The following ATP2B2 variants were observed in gnomAD, a reference collection of about 807,000 sequenced individuals.
ATP2B2 encodes the protein plasma membrane calcium-transporting ATPase 2.
A neutral mutation model predicts 120.0 loss-of-function variants in ATP2B2; 15 were observed. The observed-to-expected ratio is 0.12, with a 90% confidence interval of 0.08 to 0.19. The LOEUF is 0.19. Among genes scored for constraint, ATP2B2 ranks in the 10% least tolerant of loss-of-function variants. The probability of loss-of-function intolerance (pLI) is 1.00; values close to 1 mark genes in which losing one functional copy is unlikely to be tolerated. For missense variants in ATP2B2, 1,045 were observed against 1,719.8 expected (o/e 0.61, Z 6.94); for synonymous variants, 694 against 700.3 (o/e 0.99, Z 0.14).
At position 10,345,569 on chromosome 3, in the gene ATP2B2, C is replaced by T. The variant is rs1235942676; in HGVS notation, c.2518G>A (p.Ala840Thr). 7.4e-6 allele frequency: 12 copies of T among 1,613,980 alleles called. No homozygotes were observed. The highest frequency in any genetic ancestry group is 2.2e-5 in the East Asian group (1 of 44,898). Residue 840 changes from alanine to threonine, a missense_variant, in exon 18 of 23, where the codon GCA (alanine) becomes ACA (threonine). Around this residue, in one of 11 missense-constraint regions of ATP2B2, gnomAD observed 98 missense variants for 266.7 expected, o/e 0.37. Coordinates refer to ENST00000360273, the MANE Select transcript of ATP2B2 (RefSeq NM_001001331.4). The stretch of plus-strand genomic sequence containing the variant: ...GCCTCCTTGGCCACGTCAGTGCCTG[C>T]GATGCCCTGTGGGGACAGGGACAGG... ...KADVGFAMGI[A>T]GTDVAKEASD...
intron 3 of ATP2B2, among the ~76,000 whole-genome samples, chr3:10,511,440 A>T (rs2066759752): frequency 6.6e-6 from 1 of 152,220 alleles, no homozygotes; most frequent in Admixed American, 6.5e-5. Context: ...GAACTGATAA[A>T]TGCAGGTTTG....
At chr3:10,703,735 C>G (rs1431862140) in intron 1 of ATP2B2, among the ~76,000 whole-genome samples, 1 of 152,246 alleles carries the variant, frequency 6.6e-6, no homozygotes, top group Non-Finnish European at 1.5e-5. Flanking sequence ...GCTTTGACAT[C>G]TGGGGCCTTG....
chr3:10,505,054 C>T (rs1379263866), intron 1 of ATP2B2, among the ~76,000 whole-genome samples: 1 of 152,192 alleles, frequency 6.6e-6, no homozygotes, highest in Non-Finnish European at 1.5e-5. Flanking sequence ...CTCCCTGGGA[C>T]CGGCTCAGAG....
At chr3:10,554,984 C>T (rs892857473) in intron 2 of ATP2B2, among the ~76,000 whole-genome samples, 1 of 152,154 alleles carries the variant, frequency 6.6e-6, no homozygotes. Context: ...GGACCCCAGA[C>T]CCCAAACCTA....
intron 2 of ATP2B2, among the ~76,000 whole-genome samples, chr3:10,583,489 G>C (rs6442182): frequency 0.26 from 39,129 of 152,032 alleles, 5,810 homozygotes; most frequent in East Asian, 0.49. Context: ...CCTTTACCTG[G>C]GACCTCTCTC....
chr3:10,486,359 G>GTGTGTT (rs1368592852), intron 1 of ATP2B2, among the ~76,000 whole-genome samples: 4 of 151,782 alleles, frequency 2.6e-5, no homozygotes, highest in Non-Finnish European at 4.4e-5. Context: ...GTGTGTGTGT[G>GTGTGTT]TCTCAGCCCT....
chr3:10,347,592 G>A lies in ATP2B2; in HGVS notation c.2405-1455C>T, dbSNP rs2125400595. ...GGGCTGCTCCCACCCAGCTGTCGGTGACCCCTCAGTTCCACCGTCCTGGAC... is the reference window on the plus strand; with the variant it reads ...GGGCTGCTCCCACCCAGCTGTCGGTAACCCCTCAGTTCCACCGTCCTGGAC... On this transcript the variant is annotated intron_variant, in intron 16 of 22. Transcript: ENST00000360273. This position sits in a 1 kb window ranked among gnomAD's most constrained non-coding sequence, Gnocchi z 5.2. 6.6e-6 allele frequency among the ~76,000 whole-genome samples: 1 copy of A among 152,276 alleles called. No individual in the cohort carries two copies. Among genetic ancestry groups the A allele is most frequent in the Middle Eastern group, 3.4e-3 (1 of 294 alleles).
chr3:10,445,885 C>T (rs111615502), intron 2 of ATP2B2, among the ~76,000 whole-genome samples: 374 of 152,212 alleles, frequency 2.5e-3, no homozygotes, highest in Middle Eastern at 0.017. Context: ...GGGGCTGTGC[C>T]AAGGATTTCT....
chr3:10,440,603 C>T (rs2063631904), intron 2 of ATP2B2, among the ~76,000 whole-genome samples: 1 of 152,198 alleles, frequency 6.6e-6, no homozygotes, highest in Non-Finnish European at 1.5e-5. Flanking sequence ...CGTGTGCTTC[C>T]CTCCCCATCT....
chr3:10,547,756 C>T (rs2067582916), intron 2 of ATP2B2, among the ~76,000 whole-genome samples: 2 of 152,188 alleles, frequency 1.3e-5, no homozygotes, highest in African/African-American at 4.8e-5. Flanking sequence ...TTTCCAAGTC[C>T]CTGTCTAGGG....
At chr3:10,404,683 A>T (rs959720794) in intron 3 of ATP2B2, among the ~76,000 whole-genome samples, 29 of 152,222 alleles carry the variant, frequency 1.9e-4, no homozygotes, top group Non-Finnish European at 1.3e-4. Flanking sequence ...GATTTGAGTG[A>T]CATATGATGA....
intron 1 of ATP2B2, among the ~76,000 whole-genome samples, chr3:10,668,456 C>T (rs2071005864): frequency 6.6e-6 from 1 of 152,210 alleles, no homozygotes; most frequent in South Asian, 2.1e-4. Flanking sequence ...TTTTGAGCAG[C>T]TTCTCTGCAC....
chr3:10,522,638 G>A (rs115688958), intron 3 of ATP2B2, among the ~76,000 whole-genome samples: 4,585 of 152,212 alleles, frequency 0.03, 147 homozygotes, highest in East Asian at 0.15. Context: ...ATCCCGAACA[G>A]GAGTAGGCCT....
intron 10 of ATP2B2, among the ~76,000 whole-genome samples, chr3:10,377,996 G>A (rs533170370): frequency 3.3e-5 from 5 of 152,334 alleles, no homozygotes; most frequent in South Asian, 2.1e-4. Context: ...AGCCATTGCC[G>A]GACAAGAAGG....
At chr3:10,652,705 G>A (rs2070498590) in intron 1 of ATP2B2, among the ~76,000 whole-genome samples, 1 of 152,174 alleles carries the variant, frequency 6.6e-6, no homozygotes, top group Admixed American at 6.5e-5. Flanking sequence ...TGGGAACAAC[G>A]CAAGTGTCCA....
At chr3:10,540,880 A>C (rs1161974070) in intron 2 of ATP2B2, among the ~76,000 whole-genome samples, 2 of 151,786 alleles carry the variant, frequency 1.3e-5, no homozygotes, top group East Asian at 1.9e-4. Flanking sequence ...AAAAAAAAAA[A>C]CTACCTGGTC....
At chr3:10,561,011 A>T (rs1049631476) in intron 2 of ATP2B2, among the ~76,000 whole-genome samples, 1 of 152,178 alleles carries the variant, frequency 6.6e-6, no homozygotes, top group African/African-American at 2.4e-5. Context: ...CCGATCATCC[A>T]GGTCACTGCT....
chr3:10,336,824 C>T lies in ATP2B2; in HGVS notation c.3420+1352G>A, dbSNP rs948469108. On this transcript the variant is annotated intron_variant, in intron 22 of 22. Coordinates refer to ENST00000360273, the MANE Select transcript of ATP2B2 (RefSeq NM_001001331.4). ...TCTGTAAGTGGCAAAGCACCTGACC[C>T]GTGTTAGCATTCCGCAAGAGGCAGG... is the stretch of plus-strand genomic sequence containing the variant. 5.3e-5 allele frequency among the ~76,000 whole-genome samples: 8 copies of T among 152,224 alleles called. No homozygotes were observed. The East Asian group carries it at 5.8e-4, about 11-fold the overall frequency.
At chr3:10,391,205 G>A (rs1345178068) in intron 5 of ATP2B2, among the ~76,000 whole-genome samples, 1 of 152,172 alleles carries the variant, frequency 6.6e-6, no homozygotes, top group Non-Finnish European at 1.5e-5. Context: ...GGAAACTGAG[G>A]CTCAGAGTGG....
Sources: allele counts gnomAD v4.1 joint callset (sites outside exome capture counted in the v4.1 genomes callset), GRCh38; gene constraint gnomAD v4.1.1; regional missense constraint gnomAD v4.1.1; non-coding constraint Gnocchi (gnomAD v3.1); transcripts MANE v1.5; gene names NCBI Gene and HGNC (gene_info 2026-07-23, HGNC 2026-07-21).